Variants in RPH3A observed in about 807,000 individuals in gnomAD.
The protein encoded by RPH3A is rabphilin-3A.
RPH3A carries 48 observed loss-of-function variants against 102.2 expected under a neutral mutation model. That is an observed-to-expected ratio of 0.47 (90% CI 0.37 to 0.60). The LOEUF is 0.60. Among genes scored for constraint, RPH3A ranks in the 20% least tolerant of loss-of-function variants. The probability of loss-of-function intolerance (pLI) is 0.00; values close to 1 mark genes in which losing one functional copy is unlikely to be tolerated. For missense variants in RPH3A, 781 were observed against 910.1 expected, an observed-to-expected ratio of 0.86 and a Z score of 1.83; for synonymous variants, 310 against 324.3, an observed-to-expected ratio of 0.96 and a Z score of 0.47.
rs758262147 is a variant in RPH3A at position 112,836,506 on chromosome 12, A to G, written c.83+4A>G. The G allele has an allele frequency of 4.1e-4, 534 of 1,313,204 alleles. No individual in the cohort carries two copies. Among genetic ancestry groups the G allele is most frequent in the Non-Finnish European group, 5.2e-4 (496 of 953,716 alleles). The allele number at this position is 1,313,204 out of a possible 1,614,324, so 81.3% of individuals were successfully genotyped here. A position where few individuals can be genotyped will look rare whatever the true frequency, so the allele number is the denominator to read the frequency against. ...CTTCCTTCAGTGATAAAGAACAGTG[A>G]GTATTTTATAACACTTATTTATTTA... On this transcript the variant is annotated splice_donor_region_variant and intron_variant, in intron 4 of 21. Coordinates refer to ENST00000389385, the MANE Select transcript of RPH3A (RefSeq NM_001143854.2).
At position 112,872,483 on chromosome 12, in the gene RPH3A, C is replaced by A. The variant is rs1293556353; in HGVS notation, c.796+2444C>A. Among the ~76,000 whole-genome samples the A allele has an allele frequency of 4.6e-5, 7 of 152,142 alleles. No homozygotes were observed. The East Asian group carries it at 1.2e-3, about 25-fold the overall frequency. On this transcript the variant is annotated intron_variant, in intron 10 of 21. Transcript: ENST00000389385. ...TCAGATATATAATTTACACATTTTTCTCTTATTTCATGGGTTGTTTTTTCA... is the reference window on the plus strand; with the variant it reads ...TCAGATATATAATTTACACATTTTTATCTTATTTCATGGGTTGTTTTTTCA...
At chr12:112,681,016 G>A (rs1173033859) in intron 1 of RPH3A, among the ~76,000 whole-genome samples, 1 of 151,952 alleles carries the variant, frequency 6.6e-6, no homozygotes. Context: ...GGTTTGAAGT[G>A]CCTGTCCCTA....
At chr12:112,805,815 C>A (rs992208475) in intron 2 of RPH3A, among the ~76,000 whole-genome samples, 3 of 152,100 alleles carry the variant, frequency 2.0e-5, no homozygotes, top group African/African-American at 7.2e-5. Context: ...TATAATTATT[C>A]GTCTATTCAT....
intron 4 of RPH3A, among the ~76,000 whole-genome samples, chr12:112,840,142 T>C (rs2042117912): frequency 1.3e-5 from 2 of 152,218 alleles, no homozygotes; most frequent in Non-Finnish European, 2.9e-5. Flanking sequence ...TATTAAATAT[T>C]AATTTTTTCC....
At chr12:112,687,045 T>A (rs1295510252) in intron 1 of RPH3A, among the ~76,000 whole-genome samples, 1 of 152,012 alleles carries the variant, frequency 6.6e-6, no homozygotes, top group Non-Finnish European at 1.5e-5. Context: ...AGCCCAGGAG[T>A]TCGGGGGTGC....
intron 3 of RPH3A, among the ~76,000 whole-genome samples, chr12:112,835,876 A>G (rs939678681): frequency 1.3e-5 from 2 of 152,026 alleles, no homozygotes; most frequent in African/African-American, 4.8e-5. Context: ...TTCAGTTTTC[A>G]TGTTAAGAAT....
intron 1 of RPH3A, among the ~76,000 whole-genome samples, chr12:112,651,117 T>C (rs2039971839): frequency 6.6e-6 from 1 of 151,650 alleles, no homozygotes; most frequent in African/African-American, 2.4e-5. Context: ...CCCAGCACTT[T>C]GGGAGGCTGA....
chr12:112,591,323 CG>C (rs2039476579), intron 1 of RPH3A, among the ~76,000 whole-genome samples: 2 of 151,198 alleles, frequency 1.3e-5, no homozygotes. Context: ...TGGCCTCAAG[CG>C]ATCCTCCCAC....
intron 1 of RPH3A, among the ~76,000 whole-genome samples, chr12:112,633,028 C>T (rs936821039): frequency 1.3e-5 from 2 of 149,688 alleles, no homozygotes; most frequent in South Asian, 2.1e-4. Flanking sequence ...CCCTGTCTCT[C>T]TAAAAAAAAA....
At chr12:112,790,877 T>C (rs573909794), upstream of RPH3A, among the ~76,000 whole-genome samples, 4 of 152,332 alleles carry the variant, frequency 2.6e-5, no homozygotes, top group South Asian at 8.3e-4. Context: ...TATCACTCTG[T>C]CCAAACATTT....
chr12:112,726,466 C>T (rs2136045547), intron 1 of RPH3A, among the ~76,000 whole-genome samples: 1 of 152,222 alleles, frequency 6.6e-6, no homozygotes, highest in Middle Eastern at 3.4e-3. Flanking sequence ...ACCCAGCACC[C>T]AAATAGTGAA....
intron 1 of RPH3A, among the ~76,000 whole-genome samples, chr12:112,687,046 T>G (rs1566258985): frequency 6.6e-6 from 1 of 152,112 alleles, no homozygotes; most frequent in Non-Finnish European, 1.5e-5. Context: ...GCCCAGGAGT[T>G]CGGGGGTGCA....
chr12:112,830,653 T>G (rs910585321), intron 3 of RPH3A, among the ~76,000 whole-genome samples: 2 of 152,164 alleles, frequency 1.3e-5, no homozygotes, highest in African/African-American at 4.8e-5. Context: ...TTCTGTGAGA[T>G]GGCTACAGGT....
intron 4 of RPH3A, chr12:112,841,914 G>C (rs537238453): frequency 9.4e-5 from 43 of 455,872 alleles, no homozygotes; most frequent in African/African-American, 8.4e-4. Context: ...CTGTCCGTCT[G>C]TCTCTCTGTC....
chr12:112,835,905 G>A (rs1014401631), intron 3 of RPH3A, among the ~76,000 whole-genome samples: 1 of 152,214 alleles, frequency 6.6e-6, no homozygotes. Context: ...AGAAATGCTG[G>A]TCTTTGACAG....
intron 1 of RPH3A, among the ~76,000 whole-genome samples, chr12:112,752,285 A>AT (rs1306304558): frequency 2.0e-5 from 3 of 152,102 alleles, no homozygotes; most frequent in African/African-American, 4.8e-5. Flanking sequence ...CATAGAAAGG[A>AT]TTTTTTCATA....
intron 2 of RPH3A, among the ~76,000 whole-genome samples, chr12:112,804,811 A>G (rs1334016102): frequency 6.6e-6 from 1 of 152,204 alleles, no homozygotes; most frequent in Non-Finnish European, 1.5e-5. Context: ...ACCTCTTAGG[A>G]TGCTATCATT....
At chr12:112,588,823 G>T (rs1017480532) in intron 1 of RPH3A, among the ~76,000 whole-genome samples, 4 of 152,162 alleles carry the variant, frequency 2.6e-5, no homozygotes, top group Admixed American at 6.5e-5. Flanking sequence ...ATAGGAGGCA[G>T]ATGGTAACCT....
intron 1 of RPH3A, among the ~76,000 whole-genome samples, chr12:112,780,272 T>G (rs1252818873): frequency 6.6e-6 from 1 of 152,138 alleles, no homozygotes. Flanking sequence ...ATGGTTAGGT[T>G]TGGGCTTCTA....
Sources: gnomAD v4.1 joint callset for allele counts (sites outside exome capture counted in the v4.1 genomes callset) on GRCh38, gnomAD v4.1.1 for gene constraint, MANE v1.5 for transcripts, NCBI Gene and HGNC (gene_info 2026-07-23, HGNC 2026-07-21) for gene names.